Variants in CRB1 observed in about 807,000 individuals in gnomAD.
CRB1 encodes protein crumbs homolog 1.
In CRB1, 83 loss-of-function variants were observed where a neutral mutation model predicts 120.0. That is an observed-to-expected ratio of 0.69 (90% confidence interval 0.58 to 0.83). CRB1 has a LOEUF of 0.83. Among genes scored for constraint, CRB1 ranks in the 40% least tolerant of loss-of-function variants. The probability of loss-of-function intolerance (pLI) is 0.00; values close to 1 mark genes in which losing one functional copy is unlikely to be tolerated. For missense variants in CRB1, 1,699 were observed against 1,687.6 expected (o/e 1.01, Z -0.12); for synonymous variants, 625 against 612.5 (o/e 1.02, Z -0.30).
the CRB1 span, among the ~76,000 whole-genome samples, chr1:197,206,350 T>C: frequency 6.6e-6 from 1 of 152,206 alleles, no homozygotes; most frequent in African/African-American, 2.4e-5. Context: ...CCATAGATTG[T>C]CTATTTGTGC....
chr1:197,261,546 CTCTATTCA>C, the CRB1 span, among the ~76,000 whole-genome samples: 1 of 152,122 alleles, frequency 6.6e-6, no homozygotes, highest in Non-Finnish European at 1.5e-5. Context: ...ATATTTATGT[CTCTATTCA>C]TCTATCCATC....
intron 5 of CRB1, among the ~76,000 whole-genome samples, chr1:197,417,594 C>T (rs532211098): frequency 2.6e-5 from 4 of 152,316 alleles, no homozygotes; most frequent in East Asian, 1.9e-4. Context: ...AGAGAGGCAA[C>T]GTCTGCCTGC....
chr1:197,385,800 T>G (rs1030817627), intron 5 of CRB1, among the ~76,000 whole-genome samples: 1 of 152,012 alleles, frequency 6.6e-6, no homozygotes, highest in Non-Finnish European at 1.5e-5. Flanking sequence ...TGAAAATACA[T>G]AGTTAACATT....
chr1:197,246,037 C>T, the CRB1 span, among the ~76,000 whole-genome samples: 1 of 152,068 alleles, frequency 6.6e-6, no homozygotes, highest in East Asian at 1.9e-4. Context: ...TACTTCATAA[C>T]TGTTGGGCGT....
rs1558078100 is a variant in CRB1, at chr1:197,356,777, CTCT to C, written c.989-53_989-51del. On this transcript the variant is annotated intron_variant, in intron 4 of 11. Transcript: ENST00000367400. ...CAGTCAACCTCCTTTTAGGCAAATGCTCTATAATTCAACACCTTTGACTTAGCA... is the reference window on the plus strand; with the variant it reads ...CAGTCAACCTCCTTTTAGGCAAATGCATAATTCAACACCTTTGACTTAGCA... 1.9e-6 allele frequency: 3 copies of C among 1,574,600 alleles called. No individual in the cohort carries two copies. The Admixed American group carries it at 5.0e-5, about 26-fold the overall frequency.
rs2125499002 is a variant in CRB1, at chr1:197,434,812, G to A, written c.2949G>A (p.Arg983=). The A allele has an allele frequency of 6.2e-7, 1 of 1,613,708 alleles. No homozygotes were observed. The highest frequency in any genetic ancestry group is 1.1e-5 in the South Asian group (1 of 91,076). ...LTNITFGFRT[R]DANVIILHAE... ...ATATCACATTTGGTTTCAGAACAAG[G>A]GATGCAAATGTAATAATATTGCATG... Residue 983 remains arginine (R), a synonymous_variant, in exon 9 of 12, where the codon AGG becomes AGA. Transcript: ENST00000367400.
At chr1:197,261,830 A>C in the CRB1 span, among the ~76,000 whole-genome samples, 1 of 152,224 alleles carries the variant, frequency 6.6e-6, no homozygotes, top group Non-Finnish European at 1.5e-5. Context: ...CTTATTATAC[A>C]GGTAACTTGG....
chr1:197,467,283 T>A (rs931613102), intron 11 of CRB1, among the ~76,000 whole-genome samples: 5 of 152,196 alleles, frequency 3.3e-5, no homozygotes, highest in Non-Finnish European at 5.9e-5. Flanking sequence ...ACCAACTTTT[T>A]AACATTTTGA....
chr1:197,246,584 G>T, the CRB1 span, among the ~76,000 whole-genome samples: 2 of 151,906 alleles, frequency 1.3e-5, no homozygotes, highest in Middle Eastern at 3.4e-3. Context: ...GTTATCATTA[G>T]CAGAAAGAAT....
intron 1 of CRB1, among the ~76,000 whole-genome samples, chr1:197,282,091 C>T (rs1309413695): frequency 6.6e-6 from 1 of 151,204 alleles, no homozygotes; most frequent in Non-Finnish European, 1.5e-5. Flanking sequence ...AATCAAGTCT[C>T]TGAAATTTCT....
At position 197,421,969 on chromosome 1, in the gene CRB1, T is replaced by C; in HGVS notation, c.2128+13T>C. On this transcript the variant is annotated intron_variant, in intron 6 of 11. Transcript: ENST00000367400. The stretch of plus-strand genomic sequence containing the variant: ...AACTGTCTGAGAGGTGAGAGAAAGC[T>C]GAGTGCTATGGCTAGGAGTGCCATG... The C allele has an allele frequency of 1.2e-6, 2 of 1,612,046 alleles. No individual in the cohort carries two copies. Among genetic ancestry groups the C allele is most frequent in the East Asian group, 2.2e-5 (1 of 44,876 alleles).
chr1:197,474,938 C>T (rs1334848225), intron 11 of CRB1, among the ~76,000 whole-genome samples: 2 of 152,164 alleles, frequency 1.3e-5, no homozygotes, highest in Non-Finnish European at 2.9e-5. Context: ...TCAAGCCCAA[C>T]TCTGCGGTTC....
intron 1 of CRB1, among the ~76,000 whole-genome samples, chr1:197,309,116 T>G (rs1188294870): frequency 2.0e-5 from 3 of 152,038 alleles, no homozygotes; most frequent in South Asian, 2.1e-4. Flanking sequence ...ACACATATAT[T>G]TATATATTTA....
At chr1:197,329,530 A>G (rs1658730272) in intron 2 of CRB1, among the ~76,000 whole-genome samples, 1 of 152,216 alleles carries the variant, frequency 6.6e-6, no homozygotes, top group African/African-American at 2.4e-5. Context: ...TAGAGCAAAC[A>G]ATTGTACCTC....
intron 3 of CRB1, among the ~76,000 whole-genome samples, chr1:197,346,338 G>A (rs1371976061): frequency 1.3e-5 from 2 of 151,918 alleles, no homozygotes; most frequent in South Asian, 2.1e-4. Context: ...TATGCAAATG[G>A]AGCTTCTAAT....
At chr1:197,449,387 G>A (rs577261964) in intron 11 of CRB1, among the ~76,000 whole-genome samples, 1 of 152,112 alleles carries the variant, frequency 6.6e-6, no homozygotes, top group African/African-American at 2.4e-5. Flanking sequence ...ATATTTTTGA[G>A]ATGGAGTCTC....
At chr1:197,222,927 C>T in the CRB1 span, 2 of 1,006,416 alleles carry the variant, frequency 2.0e-6, no homozygotes, top group Admixed American at 3.4e-5. Context: ...TTCTAAAATC[C>T]TGTTGACGCT....
the CRB1 span, among the ~76,000 whole-genome samples, chr1:197,253,918 GTTT>G: frequency 6.6e-6 from 1 of 151,958 alleles, no homozygotes; most frequent in Non-Finnish European, 1.5e-5. Context: ...ATTTTGAGAG[GTTT>G]GTGTTTGTTT....
intron 5 of CRB1, among the ~76,000 whole-genome samples, chr1:197,381,909 C>G (rs2476023): frequency 0.83 from 125,554 of 152,152 alleles, 52,160 homozygotes; most frequent in African/African-American, 0.92. Context: ...GGGCTTTAAG[C>G]AGTAAATTCT....
Sources: gnomAD v4.1 joint callset for allele counts (sites outside exome capture counted in the v4.1 genomes callset) on GRCh38, gnomAD v4.1.1 for gene constraint, MANE v1.5 for transcripts, NCBI Gene and HGNC (gene_info 2026-07-23, HGNC 2026-07-21) for gene names.